HDAC9: variants seen among roughly 807,000 people sequenced by gnomAD.
The protein encoded by HDAC9 is MEF-2 interacting transcription repressor (MITR) protein.
A neutral mutation model predicts 139.4 loss-of-function variants in HDAC9; 41 were observed. That is an observed-to-expected ratio of 0.29 (90% CI 0.23 to 0.38). The LOEUF (loss-of-function observed/expected upper bound fraction) is 0.38. Ranked by LOEUF, HDAC9 falls within the 10% of genes least tolerant of loss-of-function variation. The pLI, the probability that HDAC9 is intolerant of heterozygous loss-of-function variation, is 1.00. For synonymous variants in HDAC9, 517 were observed against 476.2 expected, an observed-to-expected ratio of 1.09 and a Z score of -1.12; for missense variants, 1,147 against 1,297.0, an observed-to-expected ratio of 0.88 and a Z score of 1.78.
intron 22 of HDAC9, among the ~76,000 whole-genome samples, chr7:18,915,452 C>T (rs1803102593): frequency 1.3e-5 from 2 of 151,492 alleles, no homozygotes; most frequent in Admixed American, 6.6e-5. Context: ...AAGTAGAATG[C>T]CTCACTTTGG....
At chr7:18,701,147 G>A (rs1253395895) in intron 12 of HDAC9, among the ~76,000 whole-genome samples, 1 of 120,296 alleles carries the variant, frequency 8.3e-6, no homozygotes, top group Non-Finnish European at 1.6e-5. Context: ...ATAGAAACTT[G>A]TTCATAAAAA....
chr7:18,664,872 C>T (rs1050664155), intron 11 of HDAC9, among the ~76,000 whole-genome samples: 1 of 152,106 alleles, frequency 6.6e-6, no homozygotes, highest in Non-Finnish European at 1.5e-5. Context: ...TCCATGAGGG[C>T]AGAGCAGTGG....
At chr7:18,893,420 A>G (rs1022787112) in intron 22 of HDAC9, among the ~76,000 whole-genome samples, 1 of 152,202 alleles carries the variant, frequency 6.6e-6, no homozygotes, top group Non-Finnish European at 1.5e-5. Context: ...ATTCACAGGT[A>G]TACATCAGGC....
chr7:18,887,295 C>T (rs2129264427), intron 22 of HDAC9, among the ~76,000 whole-genome samples: 1 of 152,294 alleles, frequency 6.6e-6, no homozygotes, highest in East Asian at 1.9e-4. Flanking sequence ...CTGCAATTGG[C>T]ATTTCCAACA....
chr7:18,751,378 C>A (rs544228385), intron 14 of HDAC9, among the ~76,000 whole-genome samples: 4 of 152,178 alleles, frequency 2.6e-5, no homozygotes, highest in Non-Finnish European at 5.9e-5. Context: ...ACATCATATC[C>A]AAAACATGGC....
intron 1 of HDAC9, among the ~76,000 whole-genome samples, chr7:18,399,269 A>G (rs1208162581): frequency 2.0e-5 from 3 of 152,160 alleles, no homozygotes; most frequent in Non-Finnish European, 4.4e-5. Context: ...GTAAAACAAT[A>G]TGGGAAACTG....
intron 11 of HDAC9, among the ~76,000 whole-genome samples, chr7:18,658,358 A>G (rs933268714): frequency 1.1e-4 from 16 of 152,180 alleles, no homozygotes; most frequent in Non-Finnish European, 1.5e-4. Context: ...TTTCCTTCCC[A>G]GAAGGGAACA....
chr7:18,473,535 T>G (rs1306776539), intron 1 of HDAC9, among the ~76,000 whole-genome samples: 1 of 152,242 alleles, frequency 6.6e-6, no homozygotes, highest in African/African-American at 2.4e-5. Flanking sequence ...TTAAGAAGTT[T>G]TGGCAGAAGC....
At chr7:18,936,380 G>A (rs1317469734) in intron 23 of HDAC9, among the ~76,000 whole-genome samples, 4 of 152,182 alleles carry the variant, frequency 2.6e-5, no homozygotes, top group Non-Finnish European at 5.9e-5. Context: ...CTTACAGATG[G>A]TGAGAATGAG....
intron 21 of HDAC9, among the ~76,000 whole-genome samples, chr7:18,864,637 A>G (rs1046406997): frequency 1.1e-4 from 16 of 152,010 alleles, no homozygotes; most frequent in African/African-American, 3.9e-4. Context: ...AAAGAAAAAA[A>G]ACTAAGAGGA....
rs1215474381 is a variant in HDAC9 at position 18,356,374 on chromosome 7, T to G, written c.-42+65859T>G. Among the ~76,000 whole-genome samples, 3 of 144,850 alleles carry G rather than the reference T, an allele frequency of 2.1e-5. 1 individual carries two copies. The East Asian group carries it at 6.1e-4, about 29-fold the overall frequency. On this transcript the variant is annotated intron_variant, in intron 1 of 3. Coordinates refer to the HDAC9 transcript ENST00000413509. The stretch of plus-strand genomic sequence containing the variant: ...AGCACATAGGTTTTTTTTTTTTTTT[T>G]TTTTTTTTTTTAAAGACAACAAACT...
intron 2 of HDAC9, among the ~76,000 whole-genome samples, chr7:18,221,399 A>G (rs945550666): frequency 2.6e-5 from 4 of 151,988 alleles, no homozygotes; most frequent in Non-Finnish European, 5.9e-5. Context: ...GCCCAATTGT[A>G]TTCCTTTCTT....
At chr7:18,780,451 G>A (rs1175491021) in intron 16 of HDAC9, among the ~76,000 whole-genome samples, 5 of 151,994 alleles carry the variant, frequency 3.3e-5, no homozygotes, top group Admixed American at 3.3e-4. Context: ...GAGAGACAGG[G>A]GTGATGCATG....
chr7:18,183,064 C>T (rs909564078), intron 2 of HDAC9, among the ~76,000 whole-genome samples: 2 of 150,420 alleles, frequency 1.3e-5, no homozygotes, highest in South Asian at 2.1e-4. Flanking sequence ...TGCTGGAGTG[C>T]AGTGGCGCAA....
intron 13 of HDAC9, among the ~76,000 whole-genome samples, chr7:18,728,488 A>C (rs1178025664): frequency 6.6e-6 from 1 of 152,016 alleles, no homozygotes; most frequent in Non-Finnish European, 1.5e-5. Flanking sequence ...TGCTGTACAT[A>C]TATGCGTGGA....
intron 24 of HDAC9, among the ~76,000 whole-genome samples, chr7:18,966,104 T>C (rs1381808057): frequency 6.6e-6 from 1 of 152,236 alleles, no homozygotes; most frequent in Non-Finnish European, 1.5e-5. Context: ...GCTTCTATCA[T>C]TGTTTCCTCT....
intron 1 of HDAC9, chr7:18,327,606 CAT>C (rs1359728268): frequency 3.3e-5 from 5 of 151,668 alleles, no homozygotes; most frequent in Admixed American, 2.0e-4. Context: ...AAAAGAAAAA[CAT>C]GTATTTCTGA....
At chr7:18,714,115 A>G (rs1784536161) in intron 12 of HDAC9, among the ~76,000 whole-genome samples, 1 of 152,218 alleles carries the variant, frequency 6.6e-6, no homozygotes, top group Non-Finnish European at 1.5e-5. Flanking sequence ...TGAGAGTTCA[A>G]ATAAAGTTTT....
At chr7:18,741,143 C>A (rs891226385) in intron 13 of HDAC9, among the ~76,000 whole-genome samples, 2 of 152,112 alleles carry the variant, frequency 1.3e-5, no homozygotes, top group African/African-American at 2.4e-5. Context: ...TAGCTAAGAC[C>A]GTTGGTGAAG....
Sources: gnomAD v4.1 joint callset for allele counts (sites outside exome capture counted in the v4.1 genomes callset) on GRCh38, gnomAD v4.1.1 for gene constraint, MANE v1.5 for transcripts, NCBI Gene and HGNC (gene_info 2026-07-23, HGNC 2026-07-21) for gene names.